The following FLT4 variants were observed in gnomAD, a reference collection of about 807,000 sequenced individuals.
FLT4 encodes fms related receptor tyrosine kinase 4.
FLT4 carries 30 observed loss-of-function variants against 163.2 expected under a neutral mutation model. The observed-to-expected ratio is 0.18, with a 90% CI of 0.14 to 0.25. The LOEUF is 0.25. Ranked by LOEUF, FLT4 falls within the 10% of genes least tolerant of loss-of-function variation. The pLI, the probability that FLT4 is intolerant of heterozygous loss-of-function variation, is 1.00. For synonymous variants in FLT4, 884 were observed against 789.5 expected (o/e 1.12, Z -2.01); for missense variants, 1,510 against 1,863.8 (o/e 0.81, Z 3.50).
rs1581646360 is a variant in FLT4 at position 180,620,477 on chromosome 5, A to G, written c.2406+132T>C. 20 of 1,179,794 alleles carry G rather than the reference A, an allele frequency of 1.7e-5. No individual in the cohort carries two copies. In the East Asian group the frequency reaches 4.6e-4, roughly 27 times the overall value. The allele number at this position is 1,179,794 out of a possible 1,614,324, so 73.1% of individuals were successfully genotyped here. A position where few individuals can be genotyped will look rare whatever the true frequency, so the allele number is the denominator to read the frequency against. On this transcript the variant is annotated intron_variant, in intron 16 of 29. Transcript: ENST00000261937. This position sits in a 1 kb window ranked among gnomAD's most constrained non-coding sequence, Gnocchi z 4.4. ...TCTGCGGGGTTGGAGCCCAGCGTGA[A>G]GGGCAGGGAGGCTTCCCAGGAAACA...
At position 180,601,509 on chromosome 5, in the gene FLT4, G is replaced by A. The variant is rs72816988; in HGVS notation, c.*1683C>T. ...AACAATAAAAGCAACACTCCCGTCC[G>A]CAACACACACAAAGACCGGCATCAG... On this transcript the variant is annotated 3_prime_UTR_variant, in exon 30 of 30. Transcript: ENST00000261937. 9,597 of 217,350 alleles carry A rather than the reference G, an allele frequency of 0.044. 272 individuals are homozygous for A. The highest frequency in any genetic ancestry group is 0.1 in the East Asian group (1,565 of 15,406). The allele number at this position is 217,350 out of a possible 1,614,324, so 13.5% of individuals were successfully genotyped here. A position where few individuals can be genotyped will look rare whatever the true frequency, so the allele number is the denominator to read the frequency against.
chr5:180,611,664 T>C lies in FLT4; in HGVS notation c.3538-185A>G, dbSNP rs1256474957. 2.5e-5 allele frequency: 16 copies of C among 633,480 alleles called. No individual in the cohort carries two copies. In the Admixed American group the frequency reaches 2.7e-4, roughly 11 times the overall value. 39.2% of individuals were successfully genotyped at this position (633,480 alleles called of 1,614,324 possible). A position where few individuals can be genotyped will look rare whatever the true frequency, so the allele number is the denominator to read the frequency against. On this transcript the variant is annotated intron_variant, in intron 26 of 29. Transcript: ENST00000261937. The stretch of plus-strand genomic sequence containing the variant: ...GCCCTCGCTCTGCCCTCGGGACTGC[T>C]TGGGCTCCTGACCCCTGAGATAGGG...
chr5:180,646,682 C>A (rs1328883641), intron 1 of FLT4, among the ~76,000 whole-genome samples: 1 of 152,198 alleles, frequency 6.6e-6, no homozygotes, highest in African/African-American at 2.4e-5. Context: ...GCACAGGAAA[C>A]CCCTGTGCGA....
rs1283426146 is a variant in FLT4, at chr5:180,616,763, G to A, written c.3096+137C>T. 5.7e-6 allele frequency: 5 copies of A among 871,674 alleles called. No homozygotes were observed. The Admixed American group carries it at 8.7e-5, about 15-fold the overall frequency. 54.0% of individuals were successfully genotyped at this position (871,674 alleles called of 1,614,324 possible). A position where few individuals can be genotyped will look rare whatever the true frequency, so the allele number is the denominator to read the frequency against. On this transcript the variant is annotated intron_variant, in intron 22 of 29. Coordinates refer to ENST00000261937, the MANE Select transcript of FLT4 (RefSeq NM_182925.5). ...AGGTCAACTCCATGCTTTGGGCAGA[G>A]TTTCCTCCTCTGCAAAGTGGGAGAG...
chr5:180,640,856 G>T (rs575899335), intron 1 of FLT4, among the ~76,000 whole-genome samples: 5 of 152,314 alleles, frequency 3.3e-5, no homozygotes, highest in African/African-American at 1.2e-4. Context: ...CCATACCCTG[G>T]TGGGACAGGG....
intron 29 of FLT4, among the ~76,000 whole-genome samples, chr5:180,606,700 A>G (rs1040146321): frequency 3.3e-5 from 5 of 152,178 alleles, no homozygotes; most frequent in African/African-American, 1.2e-4. Context: ...GTGACGAAAA[A>G]TTAGCCCAAA....
chr5:180,634,901 G>C (rs866626409), intron 1 of FLT4, among the ~76,000 whole-genome samples: 1 of 53,870 alleles, frequency 1.9e-5, no homozygotes. Context: ...TGCATGGATG[G>C]ATGGAAGTAT....
In FLT4 at chr5:180,613,858, G is replaced by T. The variant is rs1019459720; in HGVS notation, c.3331+210C>A. 5.2e-5 allele frequency: 33 copies of T among 634,672 alleles called. No homozygotes were observed. The Admixed American group carries it at 6.7e-4, about 13-fold the overall frequency. 39.3% of individuals were successfully genotyped at this position (634,672 alleles called of 1,614,324 possible). On this transcript the variant is annotated intron_variant, in intron 24 of 29. Coordinates refer to ENST00000261937, the MANE Select transcript of FLT4 (RefSeq NM_182925.5). ...AGGCTTCAATGTGCACCCCACAGAG[G>T]GTGGCCCACGTTGGAGGCAAAGTCC...
At chr5:180,642,206 GA>G (rs56315811) in intron 1 of FLT4, among the ~76,000 whole-genome samples, 6,833 of 131,984 alleles carry the variant, frequency 0.052, 204 homozygotes, top group South Asian at 0.12. Context: ...GACTCTGTGT[GA>G]AAAAAAAAAA....
chr5:180,626,794 T>C (rs450449), intron 8 of FLT4, among the ~76,000 whole-genome samples: 144,100 of 152,304 alleles, frequency 0.95, 68,687 homozygotes, highest in East Asian at 1. Flanking sequence ...CCTGCAGACA[T>C]GTGGGCTTCT....
intron 1 of FLT4, among the ~76,000 whole-genome samples, chr5:180,634,655 A>T (rs1314590323): frequency 2.3e-5 from 3 of 129,270 alleles, no homozygotes; most frequent in African/African-American, 9.0e-5. Flanking sequence ...AGATCGCACC[A>T]CTGCACTCCA....
Position 180,620,743 on chromosome 5 carries a change from T to C in FLT4, c.2300-28A>G. On this transcript the variant is annotated intron_variant, in intron 15 of 29. Transcript: ENST00000261937. This position sits in a 1 kb window ranked among gnomAD's most constrained non-coding sequence, Gnocchi z 4.4. Reference sequence around the variant, plus strand: ...GCGTGGGCAGAAAGGGGCCGGCGTGTGTGTGTGTGTGTGTAAGAGCGTGCA... The same window carrying C: ...GCGTGGGCAGAAAGGGGCCGGCGTGCGTGTGTGTGTGTGTAAGAGCGTGCA... 3.2e-6 allele frequency: 5 copies of C among 1,561,260 alleles called. No homozygotes were observed. The highest frequency in any genetic ancestry group is 2.6e-6 in the Non-Finnish European group (3 of 1,136,718).
chr5:180,648,070 C>G (rs1238417256), intron 1 of FLT4, among the ~76,000 whole-genome samples: 1 of 152,188 alleles, frequency 6.6e-6, no homozygotes, highest in Non-Finnish European at 1.5e-5. Flanking sequence ...AGGTGCCTGT[C>G]CCATGTCTCC....
Position 180,620,093 on chromosome 5 carries a change from T to C in FLT4, c.2542+80A>G. 2 of 1,519,310 alleles carry C rather than the reference T, an allele frequency of 1.3e-6. No individual in the cohort carries two copies. The highest frequency in any genetic ancestry group is 1.8e-6 in the Non-Finnish European group (2 of 1,124,862). The allele number at this position is 1,519,310 out of a possible 1,614,324, so 94.1% of individuals were successfully genotyped here. ...AACTTCCTGGTGCAAGTTTTGAAAA[T>C]GGAGGGATTCAGGCACTCCGGCCTG... On this transcript the variant is annotated intron_variant, in intron 17 of 29. Transcript: ENST00000261937. The surrounding 1 kb of genome is among the most constrained non-coding windows in gnomAD (Gnocchi z 4.4).
At chr5:180,633,543 G>A (rs1764331082) in intron 1 of FLT4, among the ~76,000 whole-genome samples, 1 of 152,220 alleles carries the variant, frequency 6.6e-6, no homozygotes, top group South Asian at 2.1e-4. Flanking sequence ...TGCACCCCTG[G>A]GGCTGCCATG....
At position 180,625,859 on chromosome 5, in the gene FLT4, C is replaced by G. The variant is rs1206530262; in HGVS notation, c.1421+10G>C. 1.2e-6 allele frequency: 2 copies of G among 1,610,428 alleles called. No homozygotes were observed. The highest frequency in any genetic ancestry group is 2.2e-5 in the South Asian group (2 of 90,962). ...CTGTGCAGGGGACCTGAGGCTGGAG[C>G]TGTACTCACAGACTACGCTGGGCAA... is the stretch of plus-strand genomic sequence containing the variant. On this transcript the variant is annotated intron_variant, in intron 10 of 29. Transcript: ENST00000261937.
At chr5:180,647,144 A>T (rs532861652) in intron 1 of FLT4, among the ~76,000 whole-genome samples, 44 of 152,246 alleles carry the variant, frequency 2.9e-4, no homozygotes, top group African/African-American at 9.9e-4. Flanking sequence ...TGCCCAGCAG[A>T]CCCTGCTCCT....
At chr5:180,647,255 A>G (rs562973902) in intron 1 of FLT4, among the ~76,000 whole-genome samples, 7 of 152,268 alleles carry the variant, frequency 4.6e-5, no homozygotes, top group African/African-American at 1.7e-4. Context: ...CACTGGGGCA[A>G]GACTGTGGAA....
Position 180,603,191 on chromosome 5 carries a change from C to T in FLT4, c.*1G>A. The T allele has an allele frequency of 6.2e-7, 1 of 1,613,798 alleles. No individual in the cohort carries two copies. Among genetic ancestry groups the T allele is most frequent in the Non-Finnish European group, 8.5e-7 (1 of 1,180,010 alleles). On this transcript the variant is annotated 3_prime_UTR_variant, in exon 30 of 30. Coordinates refer to ENST00000261937, the MANE Select transcript of FLT4 (RefSeq NM_182925.5). ...GTGCTGGGGGTCTTGTCCGATGCTG[C>T]TTAGTAGCTGTTGTCTGTGAAGAAA...
Sources: allele counts gnomAD v4.1 joint callset (sites outside exome capture counted in the v4.1 genomes callset), GRCh38; gene constraint gnomAD v4.1.1; non-coding constraint Gnocchi (gnomAD v3.1); transcripts MANE v1.5; gene names NCBI Gene and HGNC (gene_info 2026-07-23, HGNC 2026-07-21).